PTH2R: variants seen among roughly 807,000 people sequenced by gnomAD.
The protein encoded by PTH2R is PTH2 receptor.
PTH2R carries 59 observed loss-of-function variants against 60.3 expected under a neutral mutation model. The observed-to-expected ratio is 0.98, with a 90% CI of 0.79 to 1.22. The LOEUF (loss-of-function observed/expected upper bound fraction) is 1.22. Among genes scored for constraint, PTH2R ranks in the 50% most tolerant of loss-of-function variants. The pLI is 0.00. For missense variants in PTH2R, 749 were observed against 682.6 expected, an observed-to-expected ratio of 1.10 and a Z score of -1.08; for synonymous variants, 256 against 243.8, an observed-to-expected ratio of 1.05 and a Z score of -0.47.
intron 9 of PTH2R, among the ~76,000 whole-genome samples, chr2:208,475,156 T>A (rs1415904855): frequency 6.6e-6 from 1 of 152,220 alleles, no homozygotes; most frequent in Non-Finnish European, 1.5e-5. Flanking sequence ...TTATAATGAG[T>A]TGATTCATCT....
intron 1 of PTH2R, chr2:208,360,523 C>G (rs1700441530): frequency 6.4e-6 from 1 of 157,446 alleles, no homozygotes; most frequent in Admixed American, 6.5e-5. Context: ...CTCCCGGGGC[C>G]CTGCCGCCCT....
chr2:208,430,165 G>T (rs1462458706), intron 2 of PTH2R, among the ~76,000 whole-genome samples: 1 of 152,094 alleles, frequency 6.6e-6, no homozygotes, highest in Non-Finnish European at 1.5e-5. Context: ...AAAGTTTAAA[G>T]TTTATCATTC....
chr2:208,442,499 A>G (rs1311465251), intron 5 of PTH2R, 38 bp downstream of exon 5: 3 of 1,453,754 alleles, frequency 2.1e-6, no homozygotes, highest in African/African-American at 1.4e-5. Context: ...GAAGGGGCAC[A>G]TTGTCTTTCC....
intron 1 of PTH2R, among the ~76,000 whole-genome samples, chr2:208,422,683 G>A (rs1215457976): frequency 6.6e-6 from 1 of 151,508 alleles, no homozygotes; most frequent in Non-Finnish European, 1.5e-5. Context: ...TGATTTTTTT[G>A]GTGATAATTG....
intron 9 of PTH2R, among the ~76,000 whole-genome samples, chr2:208,464,942 CT>C (rs1195792394): frequency 1.3e-5 from 2 of 151,890 alleles, no homozygotes; most frequent in Non-Finnish European, 2.9e-5. Flanking sequence ...TATCTTTTGT[CT>C]TTTTGAACTA....
At chr2:208,482,334 G>T (rs1191572927) in intron 10 of PTH2R, among the ~76,000 whole-genome samples, 1 of 152,150 alleles carries the variant, frequency 6.6e-6, no homozygotes, top group East Asian at 1.9e-4. Flanking sequence ...CTGGGTCCAG[G>T]GGGTCACCGC....
At chr2:208,395,569 A>C (rs540245808) in intron 1 of PTH2R, among the ~76,000 whole-genome samples, 4 of 152,308 alleles carry the variant, frequency 2.6e-5, no homozygotes, top group African/African-American at 9.6e-5. Flanking sequence ...TAACAGGATT[A>C]CTTTTCTAGG....
intron 1 of PTH2R, among the ~76,000 whole-genome samples, chr2:208,363,712 G>A (rs1700524726): frequency 6.6e-6 from 1 of 151,954 alleles, no homozygotes; most frequent in Non-Finnish European, 1.5e-5. Flanking sequence ...TAGCCATTCT[G>A]ACTCATATGA....
At chr2:208,365,054 GT>G (rs34918094) in intron 1 of PTH2R, among the ~76,000 whole-genome samples, 121 of 140,404 alleles carry the variant, frequency 8.6e-4, no homozygotes, top group East Asian at 1.7e-3. Flanking sequence ...GTTCTAACCT[GT>G]TTTTTTTTTT....
At chr2:208,428,384 T>C in intron 2 of PTH2R, 81 bp downstream of exon 2, 2 of 961,382 alleles carry the variant, frequency 2.1e-6, no homozygotes, top group East Asian at 2.6e-5. Flanking sequence ...CCTTCTTTAG[T>C]GTTAGGGAGA....
At chr2:208,364,954 A>G (rs911552710) in intron 1 of PTH2R, among the ~76,000 whole-genome samples, 28 of 151,836 alleles carry the variant, frequency 1.8e-4, no homozygotes, top group African/African-American at 6.0e-4. Context: ...ATTTTTTCAG[A>G]TGCTTTCACT....
chr2:208,481,320 C>T (rs1703144003), intron 10 of PTH2R, among the ~76,000 whole-genome samples, 156 bp downstream of exon 10: 1 of 150,130 alleles, frequency 6.7e-6, no homozygotes, highest in South Asian at 2.1e-4. Context: ...AAGCAATTCT[C>T]ATGCCTCAGC....
At chr2:208,418,333 CT>C (rs1360496449) in intron 1 of PTH2R, among the ~76,000 whole-genome samples, 1 of 151,668 alleles carries the variant, frequency 6.6e-6, no homozygotes, top group Non-Finnish European at 1.5e-5. Context: ...TTGTGAGGGA[CT>C]ACCTAATGCA....
rs563158168 is a variant in PTH2R at position 208,444,618 on chromosome 2, A to G, written c.700-116A>G. 2.0e-5 allele frequency: 19 copies of G among 968,110 alleles called. No homozygotes were observed. The South Asian group carries it at 3.5e-4, about 18-fold the overall frequency. 60.0% of individuals were successfully genotyped at this position (968,110 alleles called of 1,614,324 possible). On this transcript the variant is annotated intron_variant, in intron 6 of 12. Transcript: ENST00000272847. The stretch of plus-strand genomic sequence containing the variant: ...TCAACAGTTTTGACTTTACTGTGTA[A>G]AGGAGACATATTAGCCTGAAAAAGA...
chr2:208,490,990 C>T (rs187949633), intron 12 of PTH2R, among the ~76,000 whole-genome samples: 9 of 152,298 alleles, frequency 5.9e-5, no homozygotes, highest in African/African-American at 2.2e-4. Flanking sequence ...AACTTCTATT[C>T]CATTTTAAGT....
chr2:208,408,744 G>GAA (rs1262140156), intron 1 of PTH2R, among the ~76,000 whole-genome samples: 18 of 79,004 alleles, frequency 2.3e-4, no homozygotes, highest in East Asian at 7.2e-4. Context: ...GAGAGAAAGA[G>GAA]AGAGAGAGAG....
At position 208,492,898 on chromosome 2, in the gene PTH2R, G is replaced by A. The variant is rs140004869; in HGVS notation, c.1258-366G>A. Among the ~76,000 whole-genome samples the A allele has an allele frequency of 3.8e-4, 58 of 152,176 alleles. 1 individual carries two copies. The East Asian group carries it at 9.1e-3, about 24-fold the overall frequency. On this transcript the variant is annotated intron_variant, in intron 12 of 12. Coordinates refer to ENST00000272847, the MANE Select transcript of PTH2R (RefSeq NM_005048.4). ...TTCCAGTGGGCTTGTCATGTGCCAC[G>A]CGAGAGTTCTGAAGTTCTCACTGGC...
At chr2:208,462,130 C>T (rs1702646993) in intron 9 of PTH2R, among the ~76,000 whole-genome samples, 1 of 152,170 alleles carries the variant, frequency 6.6e-6, no homozygotes, top group African/African-American at 2.4e-5. Context: ...TCACAATTCC[C>T]TTGAAGGCTC....
At chr2:208,367,815 C>T (rs1487975537) in intron 1 of PTH2R, among the ~76,000 whole-genome samples, 1 of 152,166 alleles carries the variant, frequency 6.6e-6, no homozygotes, top group Non-Finnish European at 1.5e-5. Context: ...ATGTTGATGA[C>T]CTGCTACTTT....
Sources: allele counts gnomAD v4.1 joint callset (sites outside exome capture counted in the v4.1 genomes callset), GRCh38; gene constraint gnomAD v4.1.1; transcripts MANE v1.5; gene names NCBI Gene and HGNC (gene_info 2026-07-23, HGNC 2026-07-21).